Variants in ALK observed in about 807,000 individuals in gnomAD.
The protein encoded by ALK is ALK receptor tyrosine kinase.
ALK carries 74 observed loss-of-function variants against 163.1 expected under a neutral mutation model. The ratio of observed to expected loss-of-function variants is 0.45; its 90% confidence interval spans 0.38 to 0.55. The LOEUF (loss-of-function observed/expected upper bound fraction) is 0.55. Ranked by LOEUF, ALK falls within the 20% of genes least tolerant of loss-of-function variation. The probability of loss-of-function intolerance (pLI) is 0.00; values close to 1 mark genes in which losing one functional copy is unlikely to be tolerated. For synonymous variants in ALK, 960 were observed against 843.2 expected, an observed-to-expected ratio of 1.14 and a Z score of -2.40; for missense variants, 2,063 against 2,105.3, an observed-to-expected ratio of 0.98 and a Z score of 0.39.
At chr2:29,444,439 C>G (rs899117845) in intron 4 of ALK, among the ~76,000 whole-genome samples, 4 of 152,100 alleles carry the variant, frequency 2.6e-5, no homozygotes, top group Non-Finnish European at 4.4e-5. Flanking sequence ...TTTGGAAGCT[C>G]TTTTGCAAAT....
At chr2:29,353,960 T>C (rs937337226) in intron 5 of ALK, among the ~76,000 whole-genome samples, 2 of 152,196 alleles carry the variant, frequency 1.3e-5, no homozygotes, top group African/African-American at 4.8e-5. Flanking sequence ...GCTGACACTT[T>C]TAACAAAGGA....
intron 1 of ALK, among the ~76,000 whole-genome samples, chr2:29,768,303 T>C (rs1307893071): frequency 1.3e-5 from 2 of 152,168 alleles, no homozygotes; most frequent in Non-Finnish European, 2.9e-5. Context: ...GCCCAGTAAA[T>C]GGTAATTAAA....
intron 7 of ALK, among the ~76,000 whole-genome samples, chr2:29,320,501 A>G (rs551490581): frequency 1.3e-5 from 2 of 152,298 alleles, no homozygotes; most frequent in East Asian, 3.9e-4. Context: ...CGTTGTTGCT[A>G]TTATCTTTTT....
chr2:29,679,484 T>A (rs1334674055), intron 3 of ALK, among the ~76,000 whole-genome samples: 2 of 151,782 alleles, frequency 1.3e-5, no homozygotes, highest in Non-Finnish European at 3.0e-5. Context: ...TCTCTTACAT[T>A]TTGGAGTTAT....
intron 4 of ALK, among the ~76,000 whole-genome samples, chr2:29,405,237 T>G (rs1669555853): frequency 6.6e-6 from 1 of 152,158 alleles, no homozygotes; most frequent in Non-Finnish European, 1.5e-5. Context: ...TCTAGTTAGA[T>G]GGAGAAACAC....
At chr2:29,422,527 T>C (rs1558317360) in intron 4 of ALK, among the ~76,000 whole-genome samples, 1 of 152,236 alleles carries the variant, frequency 6.6e-6, no homozygotes, top group South Asian at 2.1e-4. Flanking sequence ...TGCCTTGGCC[T>C]TAGTACATTG....
chr2:29,637,235 G>A (rs557593720), intron 3 of ALK, among the ~76,000 whole-genome samples: 2 of 152,202 alleles, frequency 1.3e-5, no homozygotes, highest in East Asian at 1.9e-4. Context: ...TCCATACCAT[G>A]GAATATCACT....
At chr2:29,220,610 C>G (rs539785199) in intron 23 of ALK, 96 bp downstream of exon 23, 1 of 1,572,860 alleles carries the variant, frequency 6.4e-7, no homozygotes, top group Non-Finnish European at 8.7e-7. Context: ...TGGGTTCCAT[C>G]GAGGAACTTG....
At chr2:29,621,988 T>C (rs1218634938) in intron 3 of ALK, among the ~76,000 whole-genome samples, 1 of 152,130 alleles carries the variant, frequency 6.6e-6, no homozygotes, top group Non-Finnish European at 1.5e-5. Context: ...AAGACCATCT[T>C]TGCCCACCTC....
At chr2:29,750,674 A>AGGAT (rs1680334766) in intron 1 of ALK, among the ~76,000 whole-genome samples, 1 of 136,502 alleles carries the variant, frequency 7.3e-6, no homozygotes, top group South Asian at 3.1e-4. Context: ...GAAGGAAGGA[A>AGGAT]GGAAGGAAGG....
chr2:29,404,235 C>T (rs954662566), intron 4 of ALK, among the ~76,000 whole-genome samples: 14 of 147,104 alleles, frequency 9.5e-5, no homozygotes, highest in Admixed American at 3.5e-4. Context: ...ACCCAGGAGG[C>T]GGAGGTTGCA....
chr2:29,827,126 G>A (rs1665225525), intron 1 of ALK, among the ~76,000 whole-genome samples: 2 of 152,202 alleles, frequency 1.3e-5, no homozygotes, highest in South Asian at 2.1e-4. Flanking sequence ...AGGGAAAAGA[G>A]AGCTTAAAGA....
At chr2:29,613,724 A>G (rs1675760705) in intron 3 of ALK, among the ~76,000 whole-genome samples, 1 of 152,232 alleles carries the variant, frequency 6.6e-6, no homozygotes, top group Non-Finnish European at 1.5e-5. Context: ...ATAAATACAC[A>G]GCATTTTATA....
At chr2:29,803,110 T>A (rs575136922) in intron 1 of ALK, among the ~76,000 whole-genome samples, 4 of 152,244 alleles carry the variant, frequency 2.6e-5, no homozygotes, top group Non-Finnish European at 5.9e-5. Context: ...CCAAATCTTT[T>A]TTTAAAGCAA....
chr2:29,695,028 C>T lies in ALK; in HGVS notation c.788-14G>A. ...TGCACTCCAGACCTGCAATAATAGC[C>T]AAGGGTCAATGGAAAAAACCATTTC... On this transcript the variant is annotated splice_polypyrimidine_tract_variant and intron_variant, in intron 2 of 28. Coordinates refer to ENST00000389048, the MANE Select transcript of ALK (RefSeq NM_004304.5). The T allele has an allele frequency of 6.2e-7, 1 of 1,613,978 alleles. No homozygotes were observed. Among genetic ancestry groups the T allele is most frequent in the Non-Finnish European group, 8.5e-7 (1 of 1,179,956 alleles).
In ALK at chr2:29,707,420, T is replaced by C. The variant is rs1250260319; in HGVS notation, c.787+10158A>G. 2.6e-5 allele frequency among the ~76,000 whole-genome samples: 4 copies of C among 152,090 alleles called. No individual in the cohort carries two copies. In the East Asian group the frequency reaches 7.8e-4, roughly 29 times the overall value. On this transcript the variant is annotated intron_variant, in intron 2 of 28. Coordinates refer to ENST00000389048, the MANE Select transcript of ALK (RefSeq NM_004304.5). ...GGATGAACTTGCCCATACCTAACTC[T>C]AAGAGGCCTCAGGGAAAACAGAACA...
At chr2:29,736,350 T>C (rs1243713575) in intron 1 of ALK, among the ~76,000 whole-genome samples, 2 of 152,114 alleles carry the variant, frequency 1.3e-5, no homozygotes, top group Non-Finnish European at 2.9e-5. Context: ...TATACTTTTC[T>C]GAATTTTTCT....
At chr2:29,308,037 A>T (rs1666572562) in intron 8 of ALK, among the ~76,000 whole-genome samples, 2 of 151,478 alleles carry the variant, frequency 1.3e-5, no homozygotes, top group African/African-American at 4.9e-5. Flanking sequence ...ATAAAGTTAC[A>T]AGTTTTTTTT....
At chr2:29,407,300 C>G (rs1285394407) in intron 4 of ALK, among the ~76,000 whole-genome samples, 1 of 152,256 alleles carries the variant, frequency 6.6e-6, no homozygotes, top group African/African-American at 2.4e-5. Context: ...TCCAGAAGAC[C>G]TGACTTTCTA....
Sources: gnomAD v4.1 joint callset for allele counts (sites outside exome capture counted in the v4.1 genomes callset) on GRCh38, gnomAD v4.1.1 for gene constraint, MANE v1.5 for transcripts, NCBI Gene and HGNC (gene_info 2026-07-23, HGNC 2026-07-21) for gene names.